Variants in SMYD3 observed in about 807,000 individuals in gnomAD.
SMYD3 encodes SET and MYND domain containing 3, also known as histone-lysine N-methyltransferase SMYD3.
SMYD3 carries 36 observed loss-of-function variants against 57.7 expected under a neutral mutation model. The observed-to-expected ratio is 0.62, with a 90% CI of 0.48 to 0.82. The LOEUF is 0.82. Ranked by LOEUF, SMYD3 falls within the 40% of genes least tolerant of loss-of-function variation. SMYD3 has a pLI of 0.00. For synonymous variants in SMYD3, 211 were observed against 195.0 expected (o/e 1.08, Z -0.68); for missense variants, 515 against 538.8 (o/e 0.96, Z 0.44).
chr1:246,148,129 C>G (rs536933310), intron 5 of SMYD3, among the ~76,000 whole-genome samples: 3 of 152,112 alleles, frequency 2.0e-5, no homozygotes, highest in African/African-American at 7.2e-5. Flanking sequence ...AGTCCGGGAC[C>G]GGAGTGGGGA....
chr1:246,092,558 T>C (rs1290741072), intron 5 of SMYD3, among the ~76,000 whole-genome samples: 3 of 152,062 alleles, frequency 2.0e-5, no homozygotes, highest in African/African-American at 7.2e-5. Context: ...TGGATATCCA[T>C]ATATAGAAGA....
intron 5 of SMYD3, among the ~76,000 whole-genome samples, chr1:246,286,394 T>C (rs977291348): frequency 9.9e-5 from 15 of 152,162 alleles, no homozygotes; most frequent in African/African-American, 2.2e-4. Context: ...CAATGCCTCT[T>C]AAAAACAAAT....
intron 8 of SMYD3, among the ~76,000 whole-genome samples, chr1:245,902,927 G>A (rs556676988): frequency 6.6e-5 from 10 of 152,230 alleles, no homozygotes; most frequent in African/African-American, 1.9e-4. Context: ...GTAAGGACAC[G>A]AGAAATGCGA....
At chr1:246,180,007 C>CA (rs2062508630) in intron 5 of SMYD3, among the ~76,000 whole-genome samples, 1 of 151,966 alleles carries the variant, frequency 6.6e-6, no homozygotes, top group Admixed American at 6.6e-5. Context: ...ATTAAGTACT[C>CA]AGTTAAAAGG....
chr1:246,333,626 C>A (rs1415685143), intron 3 of SMYD3, among the ~76,000 whole-genome samples: 1 of 152,066 alleles, frequency 6.6e-6, no homozygotes, highest in Non-Finnish European at 1.5e-5. Context: ...ATAATCCCAG[C>A]ACTTGGGGAG....
rs567775498 is a variant in SMYD3 at position 246,392,204 on chromosome 1, T to G, written c.165-37110A>C. 5.9e-5 allele frequency among the ~76,000 whole-genome samples: 9 copies of G among 152,044 alleles called. No individual in the cohort carries two copies. In the South Asian group the frequency reaches 1.9e-3, roughly 32 times the overall value. On this transcript the variant is annotated intron_variant, in intron 1 of 11. Transcript: ENST00000490107. Reference sequence around the variant, plus strand: ...GCTAAATGAAGGATAAACGAACAAATGAACAATTGAACACATGTAGGAAGG... The same window carrying G: ...GCTAAATGAAGGATAAACGAACAAAGGAACAATTGAACACATGTAGGAAGG...
chr1:246,139,944 A>G (rs1344556973), intron 5 of SMYD3, among the ~76,000 whole-genome samples: 1 of 152,206 alleles, frequency 6.6e-6, no homozygotes, highest in Non-Finnish European at 1.5e-5. Flanking sequence ...TCATTAAGAT[A>G]TGAATCACCC....
intron 1 of SMYD3, among the ~76,000 whole-genome samples, chr1:246,476,382 C>A (rs1572038411): frequency 6.6e-6 from 1 of 152,330 alleles, no homozygotes; most frequent in African/African-American, 2.4e-5. Context: ...CTTTAATAGG[C>A]ATGCACATCA....
At chr1:245,780,269 C>CA (rs1338340998) in intron 10 of SMYD3, among the ~76,000 whole-genome samples, 4 of 152,072 alleles carry the variant, frequency 2.6e-5, no homozygotes, top group Admixed American at 6.5e-5. Context: ...GAAATGGAAA[C>CA]AATCCAAATG....
At chr1:245,807,394 A>G (rs975923784) in intron 10 of SMYD3, among the ~76,000 whole-genome samples, 1 of 152,234 alleles carries the variant, frequency 6.6e-6, no homozygotes, top group African/African-American at 2.4e-5. Context: ...AGAAAAAGAA[A>G]CATTTGGCCA....
At chr1:246,093,693 T>C (rs1441767052) in intron 5 of SMYD3, among the ~76,000 whole-genome samples, 4 of 142,754 alleles carry the variant, frequency 2.8e-5, no homozygotes, top group Admixed American at 6.7e-5. Context: ...ATAAAACTAA[T>C]AAATTGAAAA....
chr1:245,772,117 A>G (rs2046362200), intron 10 of SMYD3, among the ~76,000 whole-genome samples: 1 of 152,190 alleles, frequency 6.6e-6, no homozygotes, highest in Non-Finnish European at 1.5e-5. Context: ...CTGAACCCTC[A>G]GCTCTTGTTT....
chr1:245,815,009 A>G (rs963121523), intron 10 of SMYD3, among the ~76,000 whole-genome samples: 1 of 152,334 alleles, frequency 6.6e-6, no homozygotes, highest in Admixed American at 6.5e-5. Context: ...CTAAGCCCAC[A>G]GACACCATGA....
rs561928058 is a variant in SMYD3 at position 245,836,040 on chromosome 1, C to T, written c.1076+22456G>A. 2.0e-5 allele frequency among the ~76,000 whole-genome samples: 3 copies of T among 152,290 alleles called. No individual in the cohort carries two copies. In the East Asian group the frequency reaches 5.8e-4, roughly 29 times the overall value. ...AGAACCAAGAACCCCCACCTCAACT[C>T]CCAACTCCTACCAAACATTAGCCAC... On this transcript the variant is annotated intron_variant, in intron 10 of 11. Transcript: ENST00000490107.
chr1:246,301,001 TC>T lies in SMYD3; in HGVS notation c.531+26199del, dbSNP rs2064884148. Reference sequence around the variant, plus strand: ...TTTCTTTCTAGAATAATGCTACCCGTCCTAAGGGTAGTTCAGCTTTGTAGAG... The same window carrying T: ...TTTCTTTCTAGAATAATGCTACCCGTCTAAGGGTAGTTCAGCTTTGTAGAG... On this transcript the variant is annotated intron_variant, in intron 5 of 11. Coordinates refer to ENST00000490107, the MANE Select transcript of SMYD3 (RefSeq NM_001167740.2). 7.2e-5 allele frequency among the ~76,000 whole-genome samples: 11 copies of T among 152,250 alleles called. No individual in the cohort carries two copies. The South Asian group carries it at 2.3e-3, about 32-fold the overall frequency.
At chr1:245,905,323 C>T in intron 8 of SMYD3, among the ~76,000 whole-genome samples, 1 of 152,108 alleles carries the variant, frequency 6.6e-6, no homozygotes, top group East Asian at 1.9e-4. Flanking sequence ...CATTTCTGGG[C>T]CTGCCTTCGG....
intron 10 of SMYD3, among the ~76,000 whole-genome samples, chr1:245,831,053 A>T (rs943691222): frequency 2.6e-5 from 4 of 152,170 alleles, no homozygotes; most frequent in African/African-American, 9.7e-5. Context: ...CCTCTTTACC[A>T]AACTAGAGCT....
At chr1:246,205,645 C>G (rs1373522584) in intron 5 of SMYD3, among the ~76,000 whole-genome samples, 1 of 152,144 alleles carries the variant, frequency 6.6e-6, no homozygotes, top group Admixed American at 6.5e-5. Flanking sequence ...TATGGTGAAA[C>G]CCCGTCTCTA....
intron 5 of SMYD3, among the ~76,000 whole-genome samples, chr1:246,281,019 C>G (rs952204538): frequency 1.3e-5 from 2 of 152,164 alleles, no homozygotes; most frequent in Admixed American, 6.5e-5. Flanking sequence ...TGAATTTATT[C>G]TAAAACCTAA....
Sources: allele counts gnomAD v4.1 joint callset (sites outside exome capture counted in the v4.1 genomes callset), GRCh38; gene constraint gnomAD v4.1.1; transcripts MANE v1.5; gene names NCBI Gene and HGNC (gene_info 2026-07-23, HGNC 2026-07-21).